The following CFAP74 variants were observed in gnomAD, a reference collection of about 807,000 sequenced individuals.
The protein encoded by CFAP74 is cilia- and flagella-associated protein 74.
A neutral mutation model predicts 188.9 loss-of-function variants in CFAP74; 124 were observed. That is an observed-to-expected ratio of 0.66 (90% confidence interval 0.57 to 0.76). The LOEUF (loss-of-function observed/expected upper bound fraction) is 0.76, where lower values mean the gene tolerates loss of function less well. Ranked by LOEUF, CFAP74 falls within the 30% of genes least tolerant of loss-of-function variation. The pLI is 0.00. For synonymous variants in CFAP74, 956 were observed against 916.7 expected (o/e 1.04, Z -0.77); for missense variants, 2,198 against 2,165.2 (o/e 1.02, Z -0.30).
intron 25 of CFAP74, among the ~76,000 whole-genome samples, chr1:1,931,991 A>G (rs1189274676): frequency 1.4e-5 from 2 of 142,466 alleles, no homozygotes; most frequent in East Asian, 2.2e-4. Context: ...GCTTGAACCT[A>G]GGAGGTAGAG....
chr1:1,938,338 A>T (rs1052522039), intron 25 of CFAP74, among the ~76,000 whole-genome samples: 6 of 151,158 alleles, frequency 4.0e-5, no homozygotes, highest in East Asian at 3.9e-4. Context: ...AGGCACTCAC[A>T]CACACACGCT....
At position 1,923,235 on chromosome 1, in the gene CFAP74, G is replaced by A; in HGVS notation, c.4523-90C>T. 1 of 1,496,904 alleles carries A rather than the reference G, an allele frequency of 6.7e-7. No homozygotes were observed. Among genetic ancestry groups the A allele is most frequent in the Non-Finnish European group, 9.0e-7 (1 of 1,112,616 alleles). The allele number at this position is 1,496,904 out of a possible 1,614,324, so 92.7% of individuals were successfully genotyped here. On this transcript the variant is annotated intron_variant, in intron 36 of 38. Coordinates refer to ENST00000682832, the MANE Select transcript of CFAP74 (RefSeq NM_001304360.2). The surrounding 1 kb of genome is among the most constrained non-coding windows in gnomAD (Gnocchi z 6.3). ...GGACTCCTGAACTCTGGTTAGCAGT[G>A]GCTGTCCTGCTTGGCTCTGGGGTAG...
At chr1:1,937,794 A>G (rs2102042623) in intron 25 of CFAP74, among the ~76,000 whole-genome samples, 1 of 144,822 alleles carries the variant, frequency 6.9e-6, no homozygotes, top group Non-Finnish European at 1.5e-5. Flanking sequence ...AGGGAGGTGC[A>G]GAGACTGGCT....
Position 1,972,008 on chromosome 1 carries a change from G to T in CFAP74, c.860C>A (p.Ala287Glu). 1 of 1,611,806 alleles carries T rather than the reference G, an allele frequency of 6.2e-7. No homozygotes were observed. Reference protein sequence around the residue: ...YMRRRMDAVVALKGSISANRD... With the variant: ...YMRRRMDAVVELKGSISANRD... ...GTTCGCGGAGATGCTGCCCTTCAGC[G>T]CCACCACCGCATCCATGCGTCGCCT... is the stretch of plus-strand genomic sequence containing the variant. The change falls in exon 9 of 39, where the codon GCG (alanine) becomes GAG (glutamate). Residue 287 changes from alanine (A) to glutamate (E), a missense_variant. Ala to Glu is a moderately radical substitution (Grantham distance 107). Transcript: ENST00000682832.
In CFAP74 at chr1:1,923,210, G is replaced by A. The variant is rs1457170201; in HGVS notation, c.4523-65C>T. 1.9e-5 allele frequency: 29 copies of A among 1,526,306 alleles called. No homozygotes were observed. The highest frequency in any genetic ancestry group is 2.6e-5 in the Non-Finnish European group (29 of 1,134,274). 94.5% of individuals were successfully genotyped at this position (1,526,306 alleles called of 1,614,324 possible). ...TGAGGCATGGGGTGAGGCTGCAGCT[G>A]GACTCCTGAACTCTGGTTAGCAGTG... On this transcript the variant is annotated intron_variant, in intron 36 of 38. Coordinates refer to ENST00000682832, the MANE Select transcript of CFAP74 (RefSeq NM_001304360.2). The surrounding 1 kb of genome is among the most constrained non-coding windows in gnomAD (Gnocchi z 6.3).
chr1:1,971,861 G>A, intron 9 of CFAP74, 119 bp downstream of exon 9: 2 of 744,740 alleles, frequency 2.7e-6, no homozygotes, highest in African/African-American at 1.7e-5. Context: ...GGGTCACCAA[G>A]TGCGCGGGTC....
At chr1:1,924,205 CGT>C (rs1651644796) in intron 34 of CFAP74, among the ~76,000 whole-genome samples, 184 bp downstream of exon 34, 1 of 52,588 alleles carries the variant, frequency 1.9e-5, no homozygotes, top group Non-Finnish European at 3.8e-5. Context: ...GCTCACCGCC[CGT>C]GCCCGCCAGC....
rs952261904 is a variant in CFAP74 at position 1,995,406 on chromosome 1, C to T, written c.-19-4431G>A. On this transcript the variant is annotated intron_variant, in intron 1 of 38. Coordinates refer to ENST00000682832, the MANE Select transcript of CFAP74 (RefSeq NM_001304360.2). ...ACTTAGGAGGCTGAGACAGGAGAAT[C>T]GTTTGAACCCGGGAGGCGGAGGTTG... is the stretch of plus-strand genomic sequence containing the variant. Among the ~76,000 whole-genome samples the T allele has an allele frequency of 5.3e-5, 8 of 150,702 alleles. No individual in the cohort carries two copies. In the East Asian group the frequency reaches 5.9e-4, roughly 11 times the overall value.
chr1:1,926,348 C>CTGAG lies in CFAP74; in HGVS notation c.3829-5_3829-2dup, dbSNP rs1651892794. 6.5e-7 allele frequency: 1 copy of CTGAG among 1,548,542 alleles called. No homozygotes were observed. Reference sequence around the variant, plus strand: ...TGGGGTTCAGCAGGGAGAAGTCCAGCTGAGGGTCCACGTCAAGGAGGGGAT... The same window carrying CTGAG: ...TGGGGTTCAGCAGGGAGAAGTCCAGCTGAGTGAGGGTCCACGTCAAGGAGGGGAT... On this transcript the variant is annotated splice_acceptor_variant, in intron 31 of 38. Transcript: ENST00000682832. LOFTEE classifies it high-confidence loss of function.
At position 1,922,605 on chromosome 1, in the gene CFAP74, G is replaced by A. The variant is rs1651470896; in HGVS notation, c.4802C>T (p.Pro1601Leu). ...GGCACCTACATCAAAGTCCGCAGGT[G>A]GCACCCAGGAGATGCTGATGGTCTT... ...QTKTISISWVPPADFDPDHPL... is the reference protein window; with the variant it reads ...QTKTISISWVLPADFDPDHPL... Residue 1601 changes from proline to leucine, a missense_variant, in exon 38 of 39, where the codon CCA becomes CTA. Transcript: ENST00000682832. 21 of 1,608,114 alleles carry A rather than the reference G, an allele frequency of 1.3e-5. No homozygotes were observed. The highest frequency in any genetic ancestry group is 1.8e-5 in the Non-Finnish European group (21 of 1,177,474).
chr1:1,946,513 G>A, intron 19 of CFAP74, 74 bp from the exon 20 acceptor site: 1 of 1,446,390 alleles, frequency 6.9e-7, no homozygotes, highest in Middle Eastern at 1.8e-4. Context: ...CCTCACAATG[G>A]CATGTTGCTG....
chr1:1,927,067 C>T, intron 28 of CFAP74, 39 bp from the exon 29 acceptor site: 3 of 1,549,346 alleles, frequency 1.9e-6, no homozygotes, highest in South Asian at 1.2e-5. Context: ...CGCCTTGCCC[C>T]CACCCACCAT....
chr1:1,945,555 C>T (rs538922306), intron 20 of CFAP74, among the ~76,000 whole-genome samples: 1 of 152,046 alleles, frequency 6.6e-6, no homozygotes, highest in African/African-American at 2.4e-5. Flanking sequence ...GGGCTGGGCA[C>T]GGTGGCTCAC....
chr1:1,924,500 G>A lies in CFAP74; in HGVS notation c.4125C>T (p.Leu1375=). Residue 1375 remains leucine (L), a synonymous_variant, in exon 34 of 39, where the codon CTC becomes CTT. Coordinates refer to ENST00000682832, the MANE Select transcript of CFAP74 (RefSeq NM_001304360.2). ...SGFKLQNNSL[L]PIKFSMHLDS... is the part of the protein sequence containing the mutation. ...CCAGGTGCATGGAGAACTTGATGGG[G>A]AGCAGAGAGTTGTTCTGCAGCTGCA... The A allele has an allele frequency of 2.5e-6, 4 of 1,605,310 alleles. No individual in the cohort carries two copies. The highest frequency in any genetic ancestry group is 3.4e-6 in the Non-Finnish European group (4 of 1,177,030).
rs1291299688 is a variant in CFAP74, at chr1:1,966,372, T to C, written c.1400A>G (p.Gln467Arg). 1 of 1,529,568 alleles carries C rather than the reference T, an allele frequency of 6.5e-7. No individual in the cohort carries two copies. The highest frequency in any genetic ancestry group is 1.2e-5 in the South Asian group (1 of 81,678). 94.7% of individuals were successfully genotyped at this position (1,529,568 alleles called of 1,614,324 possible). A position where few individuals can be genotyped will look rare whatever the true frequency, so the allele number is the denominator to read the frequency against. Reference protein sequence around the residue: ...GLWNEDYKPYQVPKEDVDRKP... With the variant: ...GLWNEDYKPYRVPKEDVDRKP... ...GTCTAAAGGAGCAGGAGCTGATACC[T>C]GGTATGGCTTGTAGTCTTCATTCCA... Residue 467 changes from glutamine to arginine, a missense_variant and splice_region_variant, in exon 12 of 39, where the codon CAG becomes CGG. Gln to Arg is a conservative substitution (Grantham distance 43, BLOSUM62 1). Transcript: ENST00000682832.
chr1:1,937,922 G>GCA (rs1346078358), intron 25 of CFAP74, among the ~76,000 whole-genome samples: 1 of 148,400 alleles, frequency 6.7e-6, no homozygotes. Flanking sequence ...ATACACACAT[G>GCA]CACACACACA....
At chr1:1,989,754 C>T (rs1657463762) in intron 2 of CFAP74, among the ~76,000 whole-genome samples, 1 of 152,242 alleles carries the variant, frequency 6.6e-6, no homozygotes, top group African/African-American at 2.4e-5. Flanking sequence ...GGCCACCACA[C>T]CCGGCCCGTG....
intron 14 of CFAP74, 118 bp downstream of exon 14, chr1:1,963,631 C>T (rs1001265724): frequency 6.3e-6 from 4 of 630,148 alleles, no homozygotes; most frequent in South Asian, 2.1e-5. Flanking sequence ...TCGTGAAAAT[C>T]GGACCTGAGG....
intron 16 of CFAP74, 126 bp from the exon 17 acceptor site, chr1:1,956,910 G>T: frequency 1.1e-6 from 1 of 926,948 alleles, no homozygotes; most frequent in Non-Finnish European, 1.6e-6. Context: ...CACTGCACAA[G>T]CAGGTACACG....
Sources: gnomAD v4.1 joint callset for allele counts (sites outside exome capture counted in the v4.1 genomes callset) on GRCh38, gnomAD v4.1.1 for gene constraint, Gnocchi (gnomAD v3.1) non-coding constraint, MANE v1.5 for transcripts, NCBI Gene and HGNC (gene_info 2026-07-23, HGNC 2026-07-21) for gene names.